CFAP47: variants seen among roughly 807,000 people sequenced by gnomAD.
CFAP47 encodes the protein cilia and flagella associated protein 47.
CFAP47 carries 29 observed loss-of-function variants against 148.1 expected under a neutral mutation model. That is an observed-to-expected ratio of 0.20 (90% CI 0.15 to 0.27). CFAP47 has a LOEUF of 0.27. Ranked by LOEUF, CFAP47 falls within the 10% of genes least tolerant of loss-of-function variation. The pLI is 1.00. For synonymous variants in CFAP47, 664 were observed against 577.3 expected (o/e 1.15, Z -2.15); for missense variants, 1,872 against 1,697.5 (o/e 1.10, Z -1.81).
rs149817694 is a variant in CFAP47 at position 35,924,127 on chromosome X, A to G, written c.250-1890A>G. Among the ~76,000 whole-genome samples the G allele has an allele frequency of 2.0e-3, 191 of 96,259 alleles. 1 individual carries two copies. Among genetic ancestry groups the G allele is most frequent in the South Asian group, 6.3e-3 (13 of 2,064 alleles). 83.6% of individuals were successfully genotyped at this position (96,259 alleles called of 115,157 possible). A position where few individuals can be genotyped will look rare whatever the true frequency, so the allele number is the denominator to read the frequency against. On this transcript the variant is annotated intron_variant, in intron 1 of 63. Transcript: ENST00000378653. ...TATATATGTACATGTATGCGTACATATATGTATATGTGTACATGTATGCGT... is the reference window on the plus strand; with the variant it reads ...TATATATGTACATGTATGCGTACATGTATGTATATGTGTACATGTATGCGT...
chrX:35,954,098 G>C (rs1936208659), intron 7 of CFAP47, among the ~76,000 whole-genome samples: 1 of 111,257 alleles, frequency 9.0e-6, no homozygotes, highest in African/African-American at 3.3e-5. Flanking sequence ...AGCTCTCTTA[G>C]AATCTACAAA....
intron 39 of CFAP47, among the ~76,000 whole-genome samples, chrX:36,171,087 A>T (rs1449873350): frequency 9.9e-5 from 11 of 110,756 alleles, no homozygotes; most frequent in African/African-American, 3.3e-4. Flanking sequence ...TGGCTGCATA[A>T]ATGTCTTCTT....
At chrX:36,309,253 A>G (rs782591168) in intron 55 of CFAP47, among the ~76,000 whole-genome samples, 18 of 110,988 alleles carry the variant, frequency 1.6e-4, no homozygotes, top group Non-Finnish European at 2.5e-4. Flanking sequence ...AAGAAGTTAT[A>G]AAATCAGTGG....
intron 40 of CFAP47, among the ~76,000 whole-genome samples, chrX:36,182,156 T>C (rs908101875): frequency 8.9e-6 from 1 of 112,121 alleles, no homozygotes; most frequent in Admixed American, 9.5e-5. Flanking sequence ...TCTTAGGCAA[T>C]GGAAAGGAAG....
chrX:36,237,264 G>C (rs781901110), intron 48 of CFAP47, among the ~76,000 whole-genome samples: 1 of 112,069 alleles, frequency 8.9e-6, no homozygotes, highest in African/African-American at 3.2e-5. Context: ...GTAAATAATG[G>C]TGGAAATATT....
intron 33 of CFAP47, among the ~76,000 whole-genome samples, chrX:36,113,526 C>A (rs995412622): frequency 3.6e-5 from 4 of 111,196 alleles, no homozygotes; most frequent in Non-Finnish European, 7.5e-5. Flanking sequence ...AACAATTTTT[C>A]TTTCATTTTG....
At chrX:36,380,561 A>G (rs1176870656) in intron 63 of CFAP47, among the ~76,000 whole-genome samples, 1 of 111,504 alleles carries the variant, frequency 9.0e-6, no homozygotes, top group African/African-American at 3.3e-5. Flanking sequence ...CTCCTGCCTC[A>G]GCCTCCCGAG....
chrX:36,278,681 C>T (rs1941044870), intron 49 of CFAP47, among the ~76,000 whole-genome samples: 1 of 112,341 alleles, frequency 8.9e-6, no homozygotes, highest in African/African-American at 3.2e-5. Context: ...GTCGATCATG[C>T]TGGGAGCTGC....
At chrX:36,352,352 T>C (rs1941749551) in intron 59 of CFAP47, among the ~76,000 whole-genome samples, 2 of 111,622 alleles carry the variant, frequency 1.8e-5, no homozygotes, top group Non-Finnish European at 3.8e-5. Flanking sequence ...ATTCTTATTG[T>C]ACATTTCACA....
At chrX:36,080,040 G>T (rs1446232048) in intron 29 of CFAP47, among the ~76,000 whole-genome samples, 1 of 111,109 alleles carries the variant, frequency 9.0e-6, no homozygotes, top group East Asian at 2.8e-4. Context: ...TCTGATAAAG[G>T]GCTAATATCC....
At position 35,966,730 on chromosome X, in the gene CFAP47, A is replaced by C; in HGVS notation, c.1576A>C (p.Lys526Gln). ...CAGCATCTGTAAAGCTTCCACCAAG[A>C]AAGTTGTGATGAAATTTGATCCTGG... is the stretch of plus-strand genomic sequence containing the variant. The part of the protein sequence containing the change: ...FNSICKASTK[K>Q]VVMKFDPGIL... Residue 526 changes from lysine to glutamine, a missense_variant, in exon 9 of 64, where the codon AAA becomes CAA. Lys to Gln is a moderately conservative substitution (Grantham distance 53). Transcript: ENST00000378653. 8.7e-7 allele frequency: 1 copy of C among 1,144,833 alleles called. No individual in the cohort carries two copies. The highest frequency in any genetic ancestry group is 1.2e-6 in the Non-Finnish European group (1 of 858,372). The allele number at this position is 1,144,833 out of a possible 1,213,427, so 94.3% of individuals were successfully genotyped here. A position where few individuals can be genotyped will look rare whatever the true frequency, so the allele number is the denominator to read the frequency against.
chrX:36,327,880 T>C (rs1556013369), intron 57 of CFAP47, among the ~76,000 whole-genome samples: 1 of 111,202 alleles, frequency 9.0e-6, no homozygotes, highest in Admixed American at 9.6e-5. Flanking sequence ...TACCATATGC[T>C]CTCACTTATA....
intron 33 of CFAP47, among the ~76,000 whole-genome samples, chrX:36,132,458 C>T (rs1347848628): frequency 8.9e-6 from 1 of 111,737 alleles, no homozygotes; most frequent in African/African-American, 3.2e-5. Flanking sequence ...GCCAGAAATT[C>T]TGCATTTTCA....
chrX:35,998,170 A>C (rs981115270), intron 19 of CFAP47, among the ~76,000 whole-genome samples: 1 of 111,711 alleles, frequency 9.0e-6, no homozygotes, highest in Non-Finnish European at 1.9e-5. Context: ...TCTATTGAGT[A>C]TAAAATGATA....
At chrX:36,339,956 G>A (rs1285326005) in intron 57 of CFAP47, among the ~76,000 whole-genome samples, 3 of 111,815 alleles carry the variant, frequency 2.7e-5, no homozygotes, top group African/African-American at 6.5e-5. Flanking sequence ...CCAGTTGCAT[G>A]CATGAGTAAT....
intron 56 of CFAP47, among the ~76,000 whole-genome samples, chrX:36,314,346 C>T (rs1230508327): frequency 9.0e-6 from 1 of 111,689 alleles, no homozygotes; most frequent in Non-Finnish European, 1.9e-5. Context: ...ATCAGGCAGC[C>T]TCCAAAGCCA....
intron 33 of CFAP47, among the ~76,000 whole-genome samples, chrX:36,126,576 T>C (rs912840458): frequency 2.0e-4 from 22 of 112,080 alleles, no homozygotes; most frequent in Non-Finnish European, 3.4e-4. Context: ...TGTGTCTTTA[T>C]AGTAGAATGA....
Position 35,933,222 on chromosome X carries a change from C to G in CFAP47, c.401+7054C>G, listed in dbSNP as rs774776799. Reference sequence around the variant, plus strand: ...AACCCTCCCCCTTCTTCCCCACCCCCAATTACCCTTCCTAGCCTCTGGTAA... The same window carrying G: ...AACCCTCCCCCTTCTTCCCCACCCCGAATTACCCTTCCTAGCCTCTGGTAA... On this transcript the variant is annotated intron_variant, in intron 2 of 63. Coordinates refer to ENST00000378653, the MANE Select transcript of CFAP47 (RefSeq NM_001304548.2). Among the ~76,000 whole-genome samples the G allele has an allele frequency of 1.6e-3, 175 of 108,615 alleles. 2 individuals carry two copies. Among genetic ancestry groups the G allele is most frequent in the African/African-American group, 5.6e-3 (166 of 29,519 alleles). 94.3% of individuals were successfully genotyped at this position (108,615 alleles called of 115,157 possible).
intron 57 of CFAP47, among the ~76,000 whole-genome samples, chrX:36,344,185 C>G (rs1365868167): frequency 9.9e-6 from 1 of 100,885 alleles, no homozygotes; most frequent in Non-Finnish European, 2.0e-5. Context: ...ACATATGTAA[C>G]TAACCTGCAC....
Sources: gnomAD v4.1 joint callset for allele counts (sites outside exome capture counted in the v4.1 genomes callset) on GRCh38, gnomAD v4.1.1 for gene constraint, MANE v1.5 for transcripts, NCBI Gene and HGNC (gene_info 2026-07-23, HGNC 2026-07-21) for gene names.